Variants in FARS2 observed in about 807,000 individuals in gnomAD.
FARS2 encodes phenylalanyl-tRNA synthetase 2, mitochondrial.
Under a neutral mutation model 46.4 loss-of-function variants are expected in FARS2, and 40 were observed. The observed-to-expected ratio is 0.86, with a 90% CI of 0.67 to 1.12. FARS2 has a LOEUF of 1.12. Among genes scored for constraint, FARS2 ranks in the 50% most tolerant of loss-of-function variants. The probability of loss-of-function intolerance (pLI) is 0.00; values close to 1 mark genes in which losing one functional copy is unlikely to be tolerated. For synonymous variants in FARS2, 234 were observed against 214.9 expected (o/e 1.09, Z -0.78); for missense variants, 513 against 567.9 (o/e 0.90, Z 0.98).
chr6:5,305,216 A>G (rs1422610924), intron 1 of FARS2, among the ~76,000 whole-genome samples: 1 of 152,234 alleles, frequency 6.6e-6, no homozygotes, highest in Non-Finnish European at 1.5e-5. Context: ...TTTGTTATCC[A>G]GTTGGATTAT....
At chr6:5,344,106 C>T (rs960600394) in intron 1 of FARS2, among the ~76,000 whole-genome samples, 1 of 152,134 alleles carries the variant, frequency 6.6e-6, no homozygotes, top group Non-Finnish European at 1.5e-5. Context: ...TCACTGCATT[C>T]GATGTGGTGA....
intron 2 of FARS2, among the ~76,000 whole-genome samples, chr6:5,391,199 C>T (rs1049741887): frequency 3.3e-5 from 5 of 152,080 alleles, no homozygotes; most frequent in South Asian, 2.1e-4. Context: ...TATTCCATCA[C>T]GGAAATAACC....
intron 6 of FARS2, among the ~76,000 whole-genome samples, chr6:5,755,285 A>G (rs1314093795): frequency 6.6e-6 from 1 of 152,138 alleles, no homozygotes; most frequent in African/African-American, 2.4e-5. Flanking sequence ...GGTTTGCTGC[A>G]CCCATCAACC....
intron 6 of FARS2, among the ~76,000 whole-genome samples, chr6:5,658,350 T>C (rs537853401): frequency 6.6e-6 from 1 of 152,350 alleles, no homozygotes; most frequent in East Asian, 1.9e-4. Flanking sequence ...AAGTTATTGT[T>C]ATTACTTAGC....
At chr6:5,571,091 A>G (rs1772617343) in intron 5 of FARS2, among the ~76,000 whole-genome samples, 2 of 152,358 alleles carry the variant, frequency 1.3e-5, no homozygotes, top group South Asian at 2.1e-4. Context: ...TTACTTCCAC[A>G]TCGTGCATCT....
intron 5 of FARS2, among the ~76,000 whole-genome samples, chr6:5,595,674 G>A (rs1032673120): frequency 2.0e-5 from 3 of 152,200 alleles, no homozygotes; most frequent in African/African-American, 7.2e-5. Flanking sequence ...TGAGGAGGTG[G>A]GAGAAGCAGA....
At chr6:5,544,698 T>A (rs1045144282) in intron 4 of FARS2, among the ~76,000 whole-genome samples, 6 of 152,326 alleles carry the variant, frequency 3.9e-5, no homozygotes, top group Admixed American at 1.3e-4. Flanking sequence ...CTGAGGTTCT[T>A]AAAGGCATGA....
intron 5 of FARS2, among the ~76,000 whole-genome samples, chr6:5,608,513 GT>G (rs1232022085): frequency 6.6e-6 from 1 of 151,918 alleles, no homozygotes; most frequent in African/African-American, 2.4e-5. Flanking sequence ...TGTATCTGTA[GT>G]TTTTTTTGAG....
In FARS2 at chr6:5,771,331, C is replaced by T. The variant is rs753581476; in HGVS notation, c.1258C>T (p.His420Tyr). ...TSHCYRITYR[H>Y]MERTLSQREV... ...CCACTGCTACCGCATCACGTACCGCCACATGGAACGGACTCTGTCCCAGAG... is the reference window on the plus strand; with the variant it reads ...CCACTGCTACCGCATCACGTACCGCTACATGGAACGGACTCTGTCCCAGAG... The change falls in exon 7 of 7, where the codon CAC becomes TAC. Residue 420 changes from histidine to tyrosine, a missense_variant. Coordinates refer to ENST00000274680, the MANE Select transcript of FARS2 (RefSeq NM_006567.5). The T allele has an allele frequency of 1.9e-6, 3 of 1,614,008 alleles. No individual in the cohort carries two copies. Among genetic ancestry groups the T allele is most frequent in the Non-Finnish European group, 2.5e-6 (3 of 1,179,976 alleles).
intron 6 of FARS2, among the ~76,000 whole-genome samples, chr6:5,721,849 A>G (rs1274633708): frequency 2.6e-5 from 4 of 152,230 alleles, no homozygotes; most frequent in Admixed American, 1.3e-4. Flanking sequence ...ATAATGTTCC[A>G]TGAAAAAGAG....
At chr6:5,476,202 G>A (rs995048464) in intron 4 of FARS2, among the ~76,000 whole-genome samples, 1 of 152,196 alleles carries the variant, frequency 6.6e-6, no homozygotes, top group South Asian at 2.1e-4. Context: ...GAACGGGAGA[G>A]AACCAGGATA....
chr6:5,744,694 G>A (rs1251890584), intron 6 of FARS2, among the ~76,000 whole-genome samples: 1 of 152,180 alleles, frequency 6.6e-6, no homozygotes, highest in African/African-American at 2.4e-5. Flanking sequence ...ATAAAGGCCA[G>A]AACACAGGGC....
intron 5 of FARS2, among the ~76,000 whole-genome samples, chr6:5,572,956 A>G (rs899661326): frequency 6.6e-6 from 1 of 152,180 alleles, no homozygotes; most frequent in Non-Finnish European, 1.5e-5. Context: ...TCTTGTTTCA[A>G]TAGTTCCTCA....
intron 1 of FARS2, among the ~76,000 whole-genome samples, chr6:5,315,745 T>TCTTC (rs1554162047): frequency 0.015 from 2,251 of 150,280 alleles, 56 homozygotes; most frequent in African/African-American, 0.051. Context: ...TTTTTTCCTT[T>TCTTC]CTTTCTTTCT....
intron 4 of FARS2, among the ~76,000 whole-genome samples, chr6:5,445,968 G>A (rs960053434): frequency 6.6e-6 from 1 of 152,180 alleles, no homozygotes; most frequent in African/African-American, 2.4e-5. Flanking sequence ...GGGAGGCCGA[G>A]GCAGGCAGAT....
intron 4 of FARS2, among the ~76,000 whole-genome samples, chr6:5,489,509 T>A (rs1766973968): frequency 6.6e-6 from 1 of 152,228 alleles, no homozygotes; most frequent in Non-Finnish European, 1.5e-5. Context: ...AGGTGACATT[T>A]GATGTTTCAA....
At chr6:5,475,422 G>A (rs1407509335) in intron 4 of FARS2, among the ~76,000 whole-genome samples, 1 of 152,186 alleles carries the variant, frequency 6.6e-6, no homozygotes, top group Non-Finnish European at 1.5e-5. Context: ...CAGCCAAGGA[G>A]TTTAGACTTC....
chr6:5,650,861 G>C (rs897718966), intron 6 of FARS2, among the ~76,000 whole-genome samples: 1 of 152,160 alleles, frequency 6.6e-6, no homozygotes, highest in African/African-American at 2.4e-5. Context: ...CAATGGGAAG[G>C]GTTGGACTTT....
At chr6:5,613,988 G>A (rs926793399) in intron 6 of FARS2, among the ~76,000 whole-genome samples, 4 of 152,020 alleles carry the variant, frequency 2.6e-5, no homozygotes, top group African/African-American at 4.8e-5. Context: ...TGGGAGTCCT[G>A]GGGGGAAAAG....
Sources: allele counts gnomAD v4.1 joint callset (sites outside exome capture counted in the v4.1 genomes callset), GRCh38; gene constraint gnomAD v4.1.1; transcripts MANE v1.5; gene names NCBI Gene and HGNC (gene_info 2026-07-23, HGNC 2026-07-21).